The following PTPRD variants were observed in gnomAD, a reference collection of about 807,000 sequenced individuals.
The protein encoded by PTPRD is receptor-type tyrosine-protein phosphatase delta.
In PTPRD, 34 loss-of-function variants were observed where a neutral mutation model predicts 214.5. The ratio of observed to expected loss-of-function variants is 0.16; its 90% CI spans 0.12 to 0.21. The LOEUF (loss-of-function observed/expected upper bound fraction) is 0.21. PTPRD is among the 10% of genes least tolerant of loss of function. PTPRD has a pLI of 1.00. For synonymous variants in PTPRD, 1,128 were observed against 845.7 expected (o/e 1.33, Z -5.79); for missense variants, 2,545 against 2,398.7 (o/e 1.06, Z -1.27).
At chr9:10,126,747 T>C (rs531319457) in intron 3 of PTPRD, among the ~76,000 whole-genome samples, 1 of 152,274 alleles carries the variant, frequency 6.6e-6, no homozygotes, top group East Asian at 1.9e-4. Flanking sequence ...GTATTGACTG[T>C]CATCTAGAAA....
rs2098979944 is a variant in PTPRD at position 8,934,478 on chromosome 9, A to AAAAAT, written c.-104+84218_-104+84219insATTTT. 4.6e-3 allele frequency among the ~76,000 whole-genome samples: 39 copies of AAAAAT among 8,478 alleles called. 3 individuals carry two copies. The highest frequency in any genetic ancestry group is 7.1e-3 in the Non-Finnish European group (32 of 4,476). The allele number at this position is 8,478 out of a possible 152,430, so 5.6% of individuals were successfully genotyped here. A position where few individuals can be genotyped will look rare whatever the true frequency, so the allele number is the denominator to read the frequency against. Reference sequence around the variant, plus strand: ...ATATATATATAAATATATATATATAAATATATATATATATAAATATATATA... The same window carrying AAAAAT: ...ATATATATATAAATATATATATATAAAAAATATATATATATATATAAATATATATA... On this transcript the variant is annotated intron_variant, in intron 11 of 45. Coordinates refer to ENST00000381196, the MANE Select transcript of PTPRD (RefSeq NM_002839.4).
At position 9,283,264 on chromosome 9, in the gene PTPRD, A is replaced by T. The variant is rs76900003; in HGVS notation, c.-202-99901T>A. Among the ~76,000 whole-genome samples the T allele has an allele frequency of 3.1e-3, 476 of 151,552 alleles. 18 individuals are homozygous for T. In the East Asian group the frequency reaches 0.079, roughly 25 times the overall value. On this transcript the variant is annotated intron_variant, in intron 9 of 45. Coordinates refer to ENST00000381196, the MANE Select transcript of PTPRD (RefSeq NM_002839.4). ...TAATTTTACTTCCAAGACCCTGATAATTTAGTTGTACAATTCATCTTCTAT... is the reference window on the plus strand; with the variant it reads ...TAATTTTACTTCCAAGACCCTGATATTTTAGTTGTACAATTCATCTTCTAT...
intron 2 of PTPRD, among the ~76,000 whole-genome samples, chr9:10,581,533 C>T (rs2071806896): frequency 6.6e-6 from 1 of 152,118 alleles, no homozygotes; most frequent in Admixed American, 6.5e-5. Context: ...AGTGATGAGA[C>T]AGAAGTATTC....
intron 2 of PTPRD, among the ~76,000 whole-genome samples, chr9:10,445,091 C>T (rs1310110814): frequency 2.6e-5 from 4 of 151,800 alleles, no homozygotes; most frequent in South Asian, 2.1e-4. Flanking sequence ...AAATAAGGTG[C>T]TTTGGTGAGA....
intron 3 of PTPRD, among the ~76,000 whole-genome samples, chr9:10,053,390 G>C (rs528832408): frequency 2.2e-4 from 33 of 152,276 alleles, no homozygotes; most frequent in African/African-American, 7.5e-4. Flanking sequence ...ATATCAGTAG[G>C]TTTTACAAGT....
chr9:9,867,907 A>G (rs1029769314), intron 5 of PTPRD, among the ~76,000 whole-genome samples: 2 of 152,196 alleles, frequency 1.3e-5, no homozygotes, highest in Non-Finnish European at 2.9e-5. Context: ...CCCCAGAAAG[A>G]AATCTGGAAG....
chr9:9,675,892 GTCAGCATCATTGA>G (rs1303906380), intron 7 of PTPRD, among the ~76,000 whole-genome samples: 2 of 151,968 alleles, frequency 1.3e-5, no homozygotes, highest in Non-Finnish European at 2.9e-5. Flanking sequence ...CCCAATCTCT[GTCAGCATCATTGA>G]TGTAAAAATT....
chr9:8,646,030 T>G (rs1200597806), intron 12 of PTPRD, among the ~76,000 whole-genome samples: 1 of 148,990 alleles, frequency 6.7e-6, no homozygotes, highest in Non-Finnish European at 1.5e-5. Context: ...ACTCCTAAAC[T>G]GGACATTAGA....
chr9:10,557,058 A>G (rs1390377580), intron 2 of PTPRD, among the ~76,000 whole-genome samples: 2 of 152,160 alleles, frequency 1.3e-5, no homozygotes, highest in East Asian at 1.9e-4. Context: ...CTTGTAATTC[A>G]GGTTTTCAAG....
At chr9:9,649,680 A>G (rs2096284274) in intron 7 of PTPRD, among the ~76,000 whole-genome samples, 1 of 152,234 alleles carries the variant, frequency 6.6e-6, no homozygotes, top group Non-Finnish European at 1.5e-5. Flanking sequence ...TTTTGCACTC[A>G]TTAATGTGGT....
At chr9:9,229,756 A>G (rs1052319246) in intron 9 of PTPRD, among the ~76,000 whole-genome samples, 2 of 152,158 alleles carry the variant, frequency 1.3e-5, no homozygotes, top group Non-Finnish European at 2.9e-5. Flanking sequence ...GGGAAGAGAA[A>G]CTACACGTGC....
At chr9:8,462,774 C>A (rs1415539490) in intron 32 of PTPRD, among the ~76,000 whole-genome samples, 1 of 151,918 alleles carries the variant, frequency 6.6e-6, no homozygotes, top group African/African-American at 2.4e-5. Context: ...AAAAATAACA[C>A]AGCTAAATTT....
At chr9:9,947,471 T>TA (rs376942767) in intron 4 of PTPRD, among the ~76,000 whole-genome samples, 2 of 23,986 alleles carry the variant, frequency 8.3e-5, no homozygotes, top group African/African-American at 2.1e-4. Flanking sequence ...ATACTATATA[T>TA]TATATATATT....
At chr9:8,762,903 C>T (rs925593393) in intron 11 of PTPRD, among the ~76,000 whole-genome samples, 1 of 152,158 alleles carries the variant, frequency 6.6e-6, no homozygotes, top group Non-Finnish European at 1.5e-5. Context: ...GTAACTGGAA[C>T]ATGCATCGCC....
chr9:9,913,300 G>A (rs1301982625), intron 5 of PTPRD, among the ~76,000 whole-genome samples: 1 of 152,070 alleles, frequency 6.6e-6, no homozygotes, highest in Non-Finnish European at 1.5e-5. Flanking sequence ...CAGTGATAAT[G>A]AATCTATTCA....
intron 14 of PTPRD, among the ~76,000 whole-genome samples, chr9:8,610,205 A>G (rs547267435): frequency 1.8e-4 from 27 of 152,330 alleles, no homozygotes; most frequent in African/African-American, 6.0e-4. Flanking sequence ...ACTGCAGTGC[A>G]CCCATCTATT....
At position 9,636,730 on chromosome 9, in the gene PTPRD, A is replaced by G. The variant is rs61024946; in HGVS notation, c.-286-61949T>C. 3.2e-3 allele frequency among the ~76,000 whole-genome samples: 490 copies of G among 152,360 alleles called. 5 individuals are homozygous for G. The highest frequency in any genetic ancestry group is 0.011 in the African/African-American group (465 of 41,590). On this transcript the variant is annotated intron_variant, in intron 7 of 45. Transcript: ENST00000381196. ...AGAATAGAGAGAAAGATTTCAATAT[A>G]TTTAGTTATGTCACTGAGCCATTTA...
intron 10 of PTPRD, among the ~76,000 whole-genome samples, chr9:9,154,033 G>C (rs1305703403): frequency 6.6e-6 from 1 of 152,144 alleles, no homozygotes; most frequent in African/African-American, 2.4e-5. Flanking sequence ...AATGTGAGTA[G>C]ACGTGATCTA....
At chr9:10,325,029 T>C (rs2096618662) in intron 3 of PTPRD, among the ~76,000 whole-genome samples, 1 of 152,048 alleles carries the variant, frequency 6.6e-6, no homozygotes, top group Non-Finnish European at 1.5e-5. Flanking sequence ...GATATTTCCC[T>C]AGTATATGTT....
Sources: allele counts gnomAD v4.1 joint callset (sites outside exome capture counted in the v4.1 genomes callset), GRCh38; gene constraint gnomAD v4.1.1; transcripts MANE v1.5; gene names NCBI Gene and HGNC (gene_info 2026-07-23, HGNC 2026-07-21).